WDR37: variants seen among roughly 807,000 people sequenced by gnomAD.
WDR37 encodes WD repeat domain 37.
WDR37 carries 19 observed loss-of-function variants against 62.9 expected under a neutral mutation model. The ratio of observed to expected loss-of-function variants is 0.30; its 90% CI spans 0.21 to 0.44. The LOEUF (loss-of-function observed/expected upper bound fraction) is 0.44, where lower values mean the gene tolerates loss of function less well. WDR37 is among the 20% of genes least tolerant of loss of function. The probability of loss-of-function intolerance (pLI) is 1.00; values close to 1 mark genes in which losing one functional copy is unlikely to be tolerated. For synonymous variants in WDR37, 250 were observed against 260.9 expected, an observed-to-expected ratio of 0.96 and a Z score of 0.40; for missense variants, 474 against 657.6, an observed-to-expected ratio of 0.72 and a Z score of 3.05.
chr10:1,123,491 A>G (rs567075362), intron 11 of WDR37, among the ~76,000 whole-genome samples: 78 of 152,164 alleles, frequency 5.1e-4, no homozygotes, highest in African/African-American at 1.8e-3. Context: ...GGGATCTTAG[A>G]TGAGGGGGAT....
At chr10:1,110,403 C>CTTA (rs1261855172) in intron 11 of WDR37, among the ~76,000 whole-genome samples, 2 of 152,218 alleles carry the variant, frequency 1.3e-5, no homozygotes, top group African/African-American at 4.8e-5. Context: ...GAGGTGTCTT[C>CTTA]TTAGTAACAC....
intron 7 of WDR37, 122 bp downstream of exon 7, chr10:1,086,479 G>T: frequency 1.4e-6 from 1 of 713,348 alleles, no homozygotes. Context: ...CGGTTGTCAG[G>T]GGACAGTGTG....
At chr10:1,073,512 A>C (rs1017293725) in intron 2 of WDR37, among the ~76,000 whole-genome samples, 1 of 152,218 alleles carries the variant, frequency 6.6e-6, no homozygotes, top group Non-Finnish European at 1.5e-5. Context: ...AATTTCTATA[A>C]AAAGTGATTA....
intron 11 of WDR37, among the ~76,000 whole-genome samples, chr10:1,119,402 A>T (rs532890369): frequency 6.6e-6 from 1 of 152,304 alleles, no homozygotes; most frequent in Non-Finnish European, 1.5e-5. Context: ...TCATCTTTAG[A>T]ATCTTATTTT....
chr10:1,112,669 C>T lies in WDR37; in HGVS notation c.1103+7402C>T, dbSNP rs74117842. 5.7e-3 allele frequency among the ~76,000 whole-genome samples: 873 copies of T among 152,350 alleles called. 10 individuals carry two copies. The highest frequency in any genetic ancestry group is 0.02 in the African/African-American group (824 of 41,572). ...CCAGTGAACACACGAATGATAAGAA[C>T]ACAATCCTAATGCTGATATGAAGGA... On this transcript the variant is annotated intron_variant, in intron 11 of 13. Transcript: ENST00000263150.
At chr10:1,082,494 T>C (rs558205638) in intron 5 of WDR37, among the ~76,000 whole-genome samples, 5 of 152,190 alleles carry the variant, frequency 3.3e-5, no homozygotes, top group Non-Finnish European at 7.3e-5. Flanking sequence ...TTTGCAAACA[T>C]TTTCACAACC....
chr10:1,069,400 T>A (rs1461036317), intron 1 of WDR37, among the ~76,000 whole-genome samples: 12 of 142,424 alleles, frequency 8.4e-5, no homozygotes, highest in African/African-American at 3.1e-4. Context: ...TTTTTTTTTT[T>A]TTTTTTTGCA....
rs56220560 is a variant in WDR37 at position 1,092,872 on chromosome 10, C to CAAAAAAAAAAAAAAAAAAAAAAAAAAA, written c.605-554_605-553insAAAAAAAAAAAAAAAAAAAAAAAAAAA. On this transcript the variant is annotated intron_variant, in intron 7 of 13. Transcript: ENST00000263150. ...GCAACCAGAGCAAGACCCTATCTCACAAAAAAAAAAAAAAAAAAAAAAAAA... is the reference window on the plus strand; with the variant it reads ...GCAACCAGAGCAAGACCCTATCTCACAAAAAAAAAAAAAAAAAAAAAAAAAAAAAAAAAAAAAAAAAAAAAAAAAAAA... Among the ~76,000 whole-genome samples, 15 of 41,976 alleles carry CAAAAAAAAAAAAAAAAAAAAAAAAAAA rather than the reference C, an allele frequency of 3.6e-4. 1 individual carries two copies. In the East Asian group the frequency reaches 3.8e-3, roughly 11 times the overall value. The allele number at this position is 41,976 out of a possible 152,430, so 27.5% of individuals were successfully genotyped here. A position where few individuals can be genotyped will look rare whatever the true frequency, so the allele number is the denominator to read the frequency against.
chr10:1,080,408 G>A lies in WDR37; in HGVS notation c.332-4G>A, dbSNP rs377214748. 2.7e-5 allele frequency: 44 copies of A among 1,613,988 alleles called. No homozygotes were observed. The highest frequency in any genetic ancestry group is 3.7e-5 in the Non-Finnish European group (44 of 1,180,030). ...TGTTTGATTGTCACTCTCTGTCCCTGCAGCCAGTCACAGCACCAGCCAGCT... is the reference window on the plus strand; with the variant it reads ...TGTTTGATTGTCACTCTCTGTCCCTACAGCCAGTCACAGCACCAGCCAGCT... On this transcript the variant is annotated splice_polypyrimidine_tract_variant and splice_region_variant and intron_variant, in intron 4 of 13. Coordinates refer to ENST00000263150, the MANE Select transcript of WDR37 (RefSeq NM_014023.4).
At position 1,056,728 on chromosome 10, in the gene WDR37, G is replaced by GGGTGTGGGGCGGA. The variant is rs1290278905; in HGVS notation, c.-268_-256dup. The GGGTGTGGGGCGGA allele has an allele frequency of 1.0e-4, 16 of 152,426 alleles. 1 individual carries two copies. In the East Asian group the frequency reaches 1.9e-3, roughly 18 times the overall value. 9.4% of individuals were successfully genotyped at this position (152,426 alleles called of 1,614,324 possible). On this transcript the variant is annotated 5_prime_UTR_variant, in exon 1 of 14. Coordinates refer to ENST00000263150, the MANE Select transcript of WDR37 (RefSeq NM_014023.4). Reference sequence around the variant, plus strand: ...CCGGGGCGTGACTTCCGGCGCCGCCGGGTGTGGGGCGGAGGTGTGGGGCGG... The same window carrying GGGTGTGGGGCGGA: ...CCGGGGCGTGACTTCCGGCGCCGCCGGGTGTGGGGCGGAGGTGTGGGGCGGAGGTGTGGGGCGG...
intron 5 of WDR37, among the ~76,000 whole-genome samples, chr10:1,081,200 G>A (rs1834017490): frequency 6.7e-6 from 1 of 149,162 alleles, no homozygotes; most frequent in Non-Finnish European, 1.5e-5. Context: ...GGCAAATAGG[G>A]ATGTTCATGG....
intron 11 of WDR37, among the ~76,000 whole-genome samples, chr10:1,110,972 C>A (rs1835198128): frequency 6.6e-6 from 1 of 152,146 alleles, no homozygotes; most frequent in Non-Finnish European, 1.5e-5. Context: ...TTCACTAGTT[C>A]TTTTCCTGAG....
Position 1,084,483 on chromosome 10 carries a change from C to G in WDR37, c.477C>G (p.Ile159Met), listed in dbSNP as rs367705537. 1 of 1,614,088 alleles carries G rather than the reference C, an allele frequency of 6.2e-7. No homozygotes were observed. The highest frequency in any genetic ancestry group is 1.3e-5 in the African/African-American group (1 of 74,926). ...VKEYIGHRDG[I>M]WDVSVAKTQP... The stretch of plus-strand genomic sequence containing the variant: ...AGTACATCGGCCACCGGGACGGCAT[C>G]TGGGATGTCAGCGTGGCCAAGACAC... Residue 159 changes from isoleucine to methionine, a missense_variant, in exon 6 of 14, where the codon ATC becomes ATG. Physicochemically the swap from Ile to Met is conservative, Grantham distance 10 (BLOSUM62 1). Coordinates refer to ENST00000263150, the MANE Select transcript of WDR37 (RefSeq NM_014023.4).
At position 1,129,686 on chromosome 10, in the gene WDR37, T is replaced by C; in HGVS notation, c.*342T>C. The C allele has an allele frequency of 5.4e-6, 1 of 184,498 alleles. No homozygotes were observed. Among genetic ancestry groups the C allele is most frequent in the Non-Finnish European group, 1.1e-5 (1 of 87,732 alleles). The allele number at this position is 184,498 out of a possible 1,614,324, so 11.4% of individuals were successfully genotyped here. A position where few individuals can be genotyped will look rare whatever the true frequency, so the allele number is the denominator to read the frequency against. On this transcript the variant is annotated 3_prime_UTR_variant, in exon 14 of 14. Transcript: ENST00000263150. ...GTGAATTAAATGTGAACTTCTGTAT[T>C]ACGTTGCGGCGTCGGCAGTCCTGCG... is the stretch of plus-strand genomic sequence containing the variant.
chr10:1,120,683 T>C (rs1835548886), intron 11 of WDR37, among the ~76,000 whole-genome samples: 1 of 152,230 alleles, frequency 6.6e-6, no homozygotes, highest in African/African-American at 2.4e-5. Flanking sequence ...GTGAACACAT[T>C]ACCTTGAGGA....
At chr10:1,119,468 G>C (rs1239116040) in intron 11 of WDR37, among the ~76,000 whole-genome samples, 1 of 152,208 alleles carries the variant, frequency 6.6e-6, no homozygotes, top group African/African-American at 2.4e-5. Context: ...TGAATAGTCT[G>C]TGGAAAGGTT....
At chr10:1,115,133 G>A (rs1835348988) in intron 11 of WDR37, among the ~76,000 whole-genome samples, 1 of 151,668 alleles carries the variant, frequency 6.6e-6, no homozygotes, top group Admixed American at 6.6e-5. Context: ...AGGTGGCTCT[G>A]CCTTGTGCCG....
At chr10:1,123,099 C>G (rs1835638090) in intron 11 of WDR37, among the ~76,000 whole-genome samples, 1 of 152,132 alleles carries the variant, frequency 6.6e-6, no homozygotes, top group African/African-American at 2.4e-5. Flanking sequence ...ATTTCAGGGC[C>G]TCTTCGGTTC....
chr10:1,065,577 TG>T (rs1247944928), intron 1 of WDR37, among the ~76,000 whole-genome samples: 18 of 151,824 alleles, frequency 1.2e-4, no homozygotes, highest in Non-Finnish European at 1.8e-4. Flanking sequence ...TAATTGGTCC[TG>T]TCAGTAGGTA....
Sources: gnomAD v4.1 joint callset for allele counts (sites outside exome capture counted in the v4.1 genomes callset) on GRCh38, gnomAD v4.1.1 for gene constraint, MANE v1.5 for transcripts, NCBI Gene and HGNC (gene_info 2026-07-23, HGNC 2026-07-21) for gene names.